BACH2: variants seen among roughly 807,000 people sequenced by gnomAD.
The protein encoded by BACH2 is BACH transcriptional regulator 2.
BACH2 carries 5 observed loss-of-function variants against 61.8 expected under a neutral mutation model. The ratio of observed to expected loss-of-function variants is 0.08; its 90% CI spans 0.04 to 0.17. The LOEUF (loss-of-function observed/expected upper bound fraction) is 0.17, where lower values mean the gene tolerates loss of function less well. Ranked by LOEUF, BACH2 falls within the 10% of genes least tolerant of loss-of-function variation. The probability of loss-of-function intolerance (pLI) is 1.00; values close to 1 mark genes in which losing one functional copy is unlikely to be tolerated. For synonymous variants in BACH2, 446 were observed against 440.1 expected (o/e 1.01, Z -0.17); for missense variants, 824 against 1,091.1 (o/e 0.76, Z 3.45).
chr6:90,163,296 T>C (rs1285412009), intron 4 of BACH2, among the ~76,000 whole-genome samples: 2 of 152,190 alleles, frequency 1.3e-5, no homozygotes, highest in South Asian at 2.1e-4. Flanking sequence ...TCTCCTCTGA[T>C]ATAAGTGAAA....
intron 3 of BACH2, among the ~76,000 whole-genome samples, chr6:90,233,983 T>C (rs569818796): frequency 3.3e-5 from 5 of 152,194 alleles, no homozygotes; most frequent in African/African-American, 1.2e-4. Context: ...AGACTCAGGG[T>C]TTTCCTGTTA....
chr6:90,043,087 A>T (rs1582254305), intron 5 of BACH2, among the ~76,000 whole-genome samples: 1 of 152,222 alleles, frequency 6.6e-6, no homozygotes, highest in Admixed American at 6.5e-5. Flanking sequence ...CTGCAATTAC[A>T]TGAATGAGGG....
chr6:89,950,704 C>T lies in BACH2; in HGVS notation c.1402G>A (p.Val468Met), dbSNP rs1208168856. ...LSEPVPKGLW[V>M]GAGQSLPSSQ... Reference sequence around the variant, plus strand: ...CTGGGGAGGGACTGGCCGGCTCCCACCCACAGACCCTTTGGCACCGGCTCA... The same window carrying T: ...CTGGGGAGGGACTGGCCGGCTCCCATCCACAGACCCTTTGGCACCGGCTCA... Residue 468 changes from valine (V) to methionine (M), a missense_variant, in exon 7 of 9, where the codon GTG (valine) becomes ATG (methionine). Transcript: ENST00000257749. This position sits in a 1 kb window ranked among gnomAD's most constrained non-coding sequence, Gnocchi z 5.3. 2 of 1,614,168 alleles carry T rather than the reference C, an allele frequency of 1.2e-6. No individual in the cohort carries two copies. The highest frequency in any genetic ancestry group is 3.3e-5 in the Admixed American group (2 of 60,024).
chr6:90,265,371 T>C (rs1771290724), intron 2 of BACH2, among the ~76,000 whole-genome samples: 1 of 152,250 alleles, frequency 6.6e-6, no homozygotes, highest in South Asian at 2.1e-4. Flanking sequence ...AAGTCTCTTG[T>C]CAGCTTCCAC....
At chr6:90,062,902 G>A in intron 5 of BACH2, 1 of 985,140 alleles carries the variant, frequency 1.0e-6, no homozygotes, top group African/African-American at 1.7e-5. Context: ...GCCAAGACTT[G>A]AACACATTCC....
At chr6:90,148,066 C>T (rs1784684439) in intron 4 of BACH2, among the ~76,000 whole-genome samples, 3 of 152,064 alleles carry the variant, frequency 2.0e-5, no homozygotes, top group Admixed American at 2.0e-4. Flanking sequence ...CCCAAACAGT[C>T]CAACTTTAAA....
intron 4 of BACH2, among the ~76,000 whole-genome samples, chr6:90,132,318 C>T (rs1295366166): frequency 6.6e-6 from 1 of 152,108 alleles, no homozygotes; most frequent in Non-Finnish European, 1.5e-5. Flanking sequence ...CTGGTCATAC[C>T]CCCTAAACAG....
At chr6:90,198,093 T>C (rs1290407106) in intron 4 of BACH2, among the ~76,000 whole-genome samples, 1 of 152,112 alleles carries the variant, frequency 6.6e-6, no homozygotes, top group Non-Finnish European at 1.5e-5. Flanking sequence ...CCATGCCATG[T>C]GAGGTGCATT....
At chr6:89,991,639 G>A (rs140361212) in intron 6 of BACH2, among the ~76,000 whole-genome samples, 157 of 151,946 alleles carry the variant, frequency 1.0e-3, no homozygotes, top group African/African-American at 3.6e-3. Flanking sequence ...AAAAAGTAAT[G>A]TTGATACAAT....
intron 1 of BACH2, among the ~76,000 whole-genome samples, chr6:90,278,961 C>T (rs911852205): frequency 6.6e-6 from 1 of 152,158 alleles, no homozygotes; most frequent in Non-Finnish European, 1.5e-5. Flanking sequence ...ATATGTAAAA[C>T]ATTATCATTT....
At chr6:90,237,503 G>A (rs1003688986) in intron 3 of BACH2, among the ~76,000 whole-genome samples, 3 of 152,114 alleles carry the variant, frequency 2.0e-5, no homozygotes, top group Non-Finnish European at 4.4e-5. Context: ...CATGAACCCT[G>A]CCATAATGTT....
intron 4 of BACH2, among the ~76,000 whole-genome samples, chr6:90,145,757 C>G (rs1224457545): frequency 6.6e-6 from 1 of 152,066 alleles, no homozygotes; most frequent in African/African-American, 2.4e-5. Flanking sequence ...ACATCTTGAC[C>G]CACTCCACTA....
chr6:90,185,936 T>C (rs571765258), intron 4 of BACH2, among the ~76,000 whole-genome samples: 73 of 152,360 alleles, frequency 4.8e-4, no homozygotes, highest in African/African-American at 1.6e-3. Flanking sequence ...TTAGTGTTAC[T>C]GATGCTTGGA....
At chr6:89,964,888 T>C (rs1210793017) in intron 6 of BACH2, among the ~76,000 whole-genome samples, 1 of 152,112 alleles carries the variant, frequency 6.6e-6, no homozygotes, top group Non-Finnish European at 1.5e-5. Flanking sequence ...TTATTAGATG[T>C]AATTCTTTTT....
intron 5 of BACH2, among the ~76,000 whole-genome samples, chr6:90,070,623 A>C (rs1023305265): frequency 6.6e-6 from 1 of 152,188 alleles, no homozygotes; most frequent in Non-Finnish European, 1.5e-5. Flanking sequence ...TGTCTACAGC[A>C]GCCCCCAAAC....
chr6:90,065,270 C>CTTTTTTTTTTTTTTTTTTTTTTTTTT lies in BACH2; in HGVS notation c.-13+23665_-13+23690dup, dbSNP rs71027920. ...GCCACCCCACCCCCTGCCGCCCCCA[C>CTTTTTTTTTTTTTTTTTTTTTTTTTT]TTTTTTTTTTTTTTTTTTTTTTTTT... On this transcript the variant is annotated intron_variant, in intron 5 of 8. Transcript: ENST00000257749. 3.2e-4 allele frequency among the ~76,000 whole-genome samples: 17 copies of CTTTTTTTTTTTTTTTTTTTTTTTTTT among 52,648 alleles called. 1 individual carries two copies. The highest frequency in any genetic ancestry group is 6.9e-4 in the East Asian group (1 of 1,450). The allele number at this position is 52,648 out of a possible 152,430, so 34.5% of individuals were successfully genotyped here.
rs1465752767 is a variant in BACH2 at position 90,296,830 on chromosome 6, G to A, written c.-796C>T. 1.1e-5 allele frequency: 2 copies of A among 176,410 alleles called. No homozygotes were observed. The highest frequency in any genetic ancestry group is 6.4e-5 in the Admixed American group (1 of 15,542). 10.9% of individuals were successfully genotyped at this position (176,410 alleles called of 1,614,324 possible). On this transcript the variant is annotated 5_prime_UTR_variant, in exon 1 of 9. Coordinates refer to ENST00000257749, the MANE Select transcript of BACH2 (RefSeq NM_021813.4). ...TGCTGCTGCTGCTGAGGCGGCGGCG[G>A]CTCGGCGCTGTTTGCTCCGCGCCGC...
At chr6:89,953,722 C>A (rs1774257917) in intron 6 of BACH2, among the ~76,000 whole-genome samples, 1 of 152,114 alleles carries the variant, frequency 6.6e-6, no homozygotes, top group African/African-American at 2.4e-5. Context: ...AAACTGTGTC[C>A]TAACATACTA....
intron 4 of BACH2, among the ~76,000 whole-genome samples, chr6:90,140,372 G>A (rs985400507): frequency 6.6e-6 from 1 of 152,086 alleles, no homozygotes; most frequent in Non-Finnish European, 1.5e-5. Flanking sequence ...CTTATCTTCT[G>A]AGGCTGTATA....
Sources: gnomAD v4.1 joint callset for allele counts (sites outside exome capture counted in the v4.1 genomes callset) on GRCh38, gnomAD v4.1.1 for gene constraint, Gnocchi (gnomAD v3.1) non-coding constraint, MANE v1.5 for transcripts, NCBI Gene and HGNC (gene_info 2026-07-23, HGNC 2026-07-21) for gene names.